The following CHN2 variants were observed in gnomAD, a reference collection of about 807,000 sequenced individuals.
The protein encoded by CHN2 is chimerin 2, also known as beta-chimaerin.
A neutral mutation model predicts 56.3 loss-of-function variants in CHN2; 35 were observed. That is an observed-to-expected ratio of 0.62 (90% CI 0.47 to 0.82). The LOEUF is 0.82. Among genes scored for constraint, CHN2 ranks in the 40% least tolerant of loss-of-function variants. CHN2 has a pLI of 0.00. For missense variants in CHN2, 491 were observed against 580.5 expected (o/e 0.85, Z 1.58); for synonymous variants, 210 against 212.8 (o/e 0.99, Z 0.12).
intron 2 of CHN2, among the ~76,000 whole-genome samples, chr7:29,174,274 G>A (rs190198867): frequency 5.9e-5 from 9 of 152,206 alleles, no homozygotes; most frequent in Non-Finnish European, 1.2e-4. Flanking sequence ...TGCCTCTGGA[G>A]GGGGGCCAGC....
At chr7:29,357,726 TAGG>T (rs1280518713) in intron 2 of CHN2, among the ~76,000 whole-genome samples, 3 of 152,196 alleles carry the variant, frequency 2.0e-5, no homozygotes, top group African/African-American at 7.2e-5. Flanking sequence ...GAAGGATGAC[TAGG>T]AGAAGGAATC....
chr7:29,349,831 C>T (rs1284263863), intron 1 of CHN2, among the ~76,000 whole-genome samples: 2 of 152,220 alleles, frequency 1.3e-5, no homozygotes, highest in East Asian at 3.9e-4. Context: ...TATGGGGCTT[C>T]TTGTTCTACT....
chr7:29,324,119 G>C lies in CHN2; in HGVS notation c.50-30506G>C, dbSNP rs578236577. 2.0e-5 allele frequency among the ~76,000 whole-genome samples: 3 copies of C among 152,168 alleles called. No homozygotes were observed. In the East Asian group the frequency reaches 5.8e-4, roughly 29 times the overall value. ...GGGGGCGGGCACAGGAGTGGGGTTG[G>C]TGGGTCCATTGGAGCCGTAAGTGTC... On this transcript the variant is annotated intron_variant, in intron 1 of 12. Transcript: ENST00000222792.
chr7:29,357,934 G>C (rs181901112), intron 2 of CHN2, among the ~76,000 whole-genome samples: 9 of 152,238 alleles, frequency 5.9e-5, no homozygotes, highest in Admixed American at 3.9e-4. Context: ...TCCTTTGAGA[G>C]GTTAATTTTA....
intron 1 of CHN2, among the ~76,000 whole-genome samples, chr7:29,263,067 C>G (rs1480963798): frequency 6.6e-6 from 1 of 152,206 alleles, no homozygotes; most frequent in African/African-American, 2.4e-5. Context: ...CATGGTCTCC[C>G]TCTGATGCCG....
chr7:29,369,676 AG>A (rs879303071), intron 3 of CHN2, among the ~76,000 whole-genome samples: 1 of 152,132 alleles, frequency 6.6e-6, no homozygotes, highest in Non-Finnish European at 1.5e-5. Context: ...AGGCAGGTGG[AG>A]TGTTAGCAGT....
At chr7:29,192,306 C>T (rs929600989), upstream of CHN2, 2 of 152,176 alleles carry the variant, frequency 1.3e-5, no homozygotes, top group African/African-American at 2.4e-5. Context: ...CTTCATCTGT[C>T]AATTTAGGAC....
intron 2 of CHN2, among the ~76,000 whole-genome samples, chr7:29,185,203 A>T (rs1279125032): frequency 6.6e-6 from 1 of 152,232 alleles, no homozygotes; most frequent in Non-Finnish European, 1.5e-5. Context: ...TTGAGAAATG[A>T]TAGAGTAGAT....
chr7:29,437,552 C>T (rs1472659383), intron 6 of CHN2, among the ~76,000 whole-genome samples: 2 of 82,412 alleles, frequency 2.4e-5, no homozygotes, highest in African/African-American at 7.5e-5. Flanking sequence ...GAGCCGAGAT[C>T]GCGCCACTGC....
chr7:29,363,356 G>T lies in CHN2; in HGVS notation c.89-4576G>T, dbSNP rs143416440. Among the ~76,000 whole-genome samples, 1,011 of 152,290 alleles carry T rather than the reference G, an allele frequency of 6.6e-3. 14 individuals are homozygous for T. Among genetic ancestry groups the T allele is most frequent in the African/African-American group, 0.022 (927 of 41,548 alleles). On this transcript the variant is annotated intron_variant, in intron 2 of 12. Coordinates refer to ENST00000222792, the MANE Select transcript of CHN2 (RefSeq NM_004067.4). ...AAAAATTAGCCAGGCATGGTGATGC[G>T]TGCCTGTAGTCCCAGCTACTCGGGA...
At chr7:29,351,556 C>G (rs1797888924) in intron 1 of CHN2, among the ~76,000 whole-genome samples, 1 of 152,132 alleles carries the variant, frequency 6.6e-6, no homozygotes, top group African/African-American at 2.4e-5. Flanking sequence ...TTACAGGAAC[C>G]TGGCAGGTAG....
At chr7:29,306,575 A>G (rs1794183658) in intron 1 of CHN2, among the ~76,000 whole-genome samples, 1 of 152,236 alleles carries the variant, frequency 6.6e-6, no homozygotes, top group Non-Finnish European at 1.5e-5. Context: ...TTAAAGCCCA[A>G]GGCGATAGAG....
At chr7:29,146,790 T>A in intron 1 of CHN2, 1 of 1,549,306 alleles carries the variant, frequency 6.5e-7, no homozygotes, top group Non-Finnish European at 8.7e-7. Flanking sequence ...CTCCCAGTTT[T>A]TAAAAGCTGC....
chr7:29,387,312 A>G (rs1469431427), intron 3 of CHN2, among the ~76,000 whole-genome samples: 2 of 152,240 alleles, frequency 1.3e-5, no homozygotes, highest in Non-Finnish European at 2.9e-5. Flanking sequence ...GAGAAAAATG[A>G]GATGCAAAGG....
chr7:29,232,912 T>C (rs181446031), intron 1 of CHN2, among the ~76,000 whole-genome samples: 162 of 152,362 alleles, frequency 1.1e-3, no homozygotes, highest in African/African-American at 3.5e-3. Flanking sequence ...TGTCCTCATG[T>C]GTACATATTA....
At chr7:29,290,637 C>T (rs986067076) in intron 1 of CHN2, among the ~76,000 whole-genome samples, 1 of 152,136 alleles carries the variant, frequency 6.6e-6, no homozygotes, top group Non-Finnish European at 1.5e-5. Flanking sequence ...TTGCGAATTA[C>T]ACAAGTAATA....
intron 1 of CHN2, among the ~76,000 whole-genome samples, chr7:29,249,943 G>A (rs1035081080): frequency 2.0e-5 from 3 of 152,176 alleles, no homozygotes; most frequent in African/African-American, 7.2e-5. Context: ...CCATATGTAA[G>A]AATTACCTTT....
chr7:29,339,875 T>C (rs1796911532), intron 1 of CHN2, among the ~76,000 whole-genome samples: 1 of 151,286 alleles, frequency 6.6e-6, no homozygotes, highest in Admixed American at 6.6e-5. Context: ...ATAATAACAA[T>C]ACTGTATATA....
At chr7:29,308,736 C>T (rs1235325479) in intron 1 of CHN2, among the ~76,000 whole-genome samples, 1 of 152,188 alleles carries the variant, frequency 6.6e-6, no homozygotes, top group Non-Finnish European at 1.5e-5. Context: ...GAGGAAAATT[C>T]AGTAGTTGGG....
Sources: gnomAD v4.1 joint callset for allele counts (sites outside exome capture counted in the v4.1 genomes callset) on GRCh38, gnomAD v4.1.1 for gene constraint, MANE v1.5 for transcripts, NCBI Gene and HGNC (gene_info 2026-07-23, HGNC 2026-07-21) for gene names.